Variants in DENND1B observed in about 807,000 individuals in gnomAD.
DENND1B encodes the protein DENN domain-containing protein 1B.
In DENND1B, 59 loss-of-function variants were observed where a neutral mutation model predicts 90.1. That is an observed-to-expected ratio of 0.65 (90% CI 0.53 to 0.81). The LOEUF is 0.81. DENND1B is among the 40% of genes least tolerant of loss of function. DENND1B has a pLI of 0.00. For synonymous variants in DENND1B, 337 were observed against 324.6 expected (o/e 1.04, Z -0.41); for missense variants, 862 against 912.6 (o/e 0.94, Z 0.71).
chr1:197,614,407 A>G (rs1677454261), intron 11 of DENND1B, among the ~76,000 whole-genome samples: 1 of 151,040 alleles, frequency 6.6e-6, no homozygotes, highest in Non-Finnish European at 1.5e-5. Flanking sequence ...TAATCCTAAT[A>G]TGAAATCACC....
intron 2 of DENND1B, among the ~76,000 whole-genome samples, chr1:197,736,492 C>A (rs1383530715): frequency 6.6e-6 from 1 of 152,020 alleles, no homozygotes; most frequent in Non-Finnish European, 1.5e-5. Flanking sequence ...CCACCACACC[C>A]AGCTAATTAA....
At chr1:197,779,934 G>A (rs968286513), upstream of DENND1B, among the ~76,000 whole-genome samples, 1 of 151,950 alleles carries the variant, frequency 6.6e-6, no homozygotes, top group African/African-American at 2.4e-5. Flanking sequence ...GTGATCCTTA[G>A]AACTTTATAT....
At chr1:197,648,686 T>C (rs1680946264) in intron 7 of DENND1B, among the ~76,000 whole-genome samples, 1 of 152,168 alleles carries the variant, frequency 6.6e-6, no homozygotes, top group African/African-American at 2.4e-5. Flanking sequence ...CTTTCTATTG[T>C]ATTTCCACTG....
intron 2 of DENND1B, among the ~76,000 whole-genome samples, chr1:197,741,113 G>A (rs1459578867): frequency 6.6e-6 from 1 of 152,106 alleles, no homozygotes; most frequent in East Asian, 1.9e-4. Context: ...CAAAGAGAAA[G>A]GATAAGACAA....
chr1:197,675,795 A>G (rs908213250), intron 3 of DENND1B, among the ~76,000 whole-genome samples: 5 of 152,152 alleles, frequency 3.3e-5, no homozygotes, highest in African/African-American at 1.2e-4. Context: ...ACAATAAAGA[A>G]CATATATTCA....
chr1:197,715,180 C>T, intron 2 of DENND1B, 106 bp from the exon 3 acceptor site: 1 of 792,880 alleles, frequency 1.3e-6, no homozygotes, highest in Non-Finnish European at 2.0e-6. Context: ...TTAATTACAA[C>T]ATTTAAATTT....
chr1:197,697,275 T>C (rs1658530957), intron 3 of DENND1B, among the ~76,000 whole-genome samples: 1 of 151,580 alleles, frequency 6.6e-6, no homozygotes, highest in Non-Finnish European at 1.5e-5. Context: ...GCAAAACCCA[T>C]ATAACTGACA....
intron 3 of DENND1B, chr1:197,690,252 G>T (rs1440615108): frequency 7.5e-6 from 2 of 268,290 alleles, no homozygotes; most frequent in South Asian, 1.1e-4. Context: ...CAGCAAAAAT[G>T]ACTCACCAAT....
rs933709848 is a variant in DENND1B at position 197,582,552 on chromosome 1, C to T, written c.1149+600G>A. Among the ~76,000 whole-genome samples the T allele has an allele frequency of 3.9e-5, 6 of 152,138 alleles. No homozygotes were observed. The East Asian group carries it at 5.8e-4, about 15-fold the overall frequency. On this transcript the variant is annotated intron_variant, in intron 15 of 22. Transcript: ENST00000620048. The stretch of plus-strand genomic sequence containing the variant: ...AAGACAACCCAATTTAAGACACTTG[C>T]TATGATTACACAATGGAATGACAGA...
In DENND1B at chr1:197,684,126, T is replaced by C. The variant is rs989496826; in HGVS notation, c.127-9957A>G. ...ATATGATTTAAAAGAGTCTGCATGC[T>C]TGCTTTATCTTCCTAATAAAGACAA... is the stretch of plus-strand genomic sequence containing the variant. On this transcript the variant is annotated intron_variant, in intron 3 of 22. Transcript: ENST00000620048. Among the ~76,000 whole-genome samples, 3 of 152,248 alleles carry C rather than the reference T, an allele frequency of 2.0e-5. No individual in the cohort carries two copies. The East Asian group carries it at 5.8e-4, about 29-fold the overall frequency.
At chr1:197,566,586 T>G (rs897275906) in intron 15 of DENND1B, among the ~76,000 whole-genome samples, 2 of 152,130 alleles carry the variant, frequency 1.3e-5, no homozygotes, top group African/African-American at 4.8e-5. Context: ...AATATTTTCA[T>G]GCATATTCCT....
Position 197,738,452 on chromosome 1 carries a change from G to C in DENND1B, c.83-23378C>G, listed in dbSNP as rs182138930. The stretch of plus-strand genomic sequence containing the variant: ...GTGAATGTGACCTCAGGCCAGAGCT[G>C]ATAAGTCAAACACATGACCTAATCT... On this transcript the variant is annotated intron_variant, in intron 2 of 22. Coordinates refer to ENST00000620048, the MANE Select transcript of DENND1B (RefSeq NM_001195215.2). Among the ~76,000 whole-genome samples, 877 of 152,274 alleles carry C rather than the reference G, an allele frequency of 5.8e-3. 8 individuals carry two copies. The highest frequency in any genetic ancestry group is 0.01 in the Non-Finnish European group (710 of 68,032).
chr1:197,509,278 A>G lies in DENND1B; in HGVS notation c.*1182T>C, dbSNP rs1667870687. 1 of 151,886 alleles carries G rather than the reference A, an allele frequency of 6.6e-6. No homozygotes were observed. Among genetic ancestry groups the G allele is most frequent in the South Asian group, 2.1e-4 (1 of 4,832 alleles). 9.4% of individuals were successfully genotyped at this position (151,886 alleles called of 1,614,324 possible). ...TTCAAAGCTGTCAATGTCATCAAAA[A>G]TAAGGAAAGTCTAAGAAACTGTCAC... On this transcript the variant is annotated 3_prime_UTR_variant, in exon 23 of 23. Coordinates refer to ENST00000620048, the MANE Select transcript of DENND1B (RefSeq NM_001195215.2).
intron 2 of DENND1B, among the ~76,000 whole-genome samples, chr1:197,769,843 G>C (rs1656182926): frequency 6.6e-6 from 1 of 152,042 alleles, no homozygotes; most frequent in African/African-American, 2.4e-5. Flanking sequence ...AGTTAAATAT[G>C]AGGATTCCAA....
chr1:197,758,123 T>C lies in DENND1B; in HGVS notation c.82+14745A>G, dbSNP rs183994619. Among the ~76,000 whole-genome samples the C allele has an allele frequency of 2.0e-3, 304 of 152,042 alleles. 1 individual carries two copies. Among genetic ancestry groups the C allele is most frequent in the African/African-American group, 7.2e-3 (296 of 41,296 alleles). ...TGTAATTTTCAACTCCTGTTTGACC[T>C]CTCTGGACCTCACCAAATATTTATA... On this transcript the variant is annotated intron_variant, in intron 2 of 22. Transcript: ENST00000620048.
At chr1:197,713,843 ATTATATTATT>A (rs1660291088) in intron 3 of DENND1B, among the ~76,000 whole-genome samples, 1 of 36,324 alleles carries the variant, frequency 2.8e-5, no homozygotes, top group African/African-American at 7.6e-5. Context: ...AATATATTAT[ATTATATTATT>A]ATAATATATT....
In DENND1B at chr1:197,507,589, A is replaced by G. The variant is rs1258533567; in HGVS notation, c.*2871T>C. ...CTCCATTGCAGGCCAGATAAAGACTATGTACCAAGGCCAAAAGTCTTTTTA... is the reference window on the plus strand; with the variant it reads ...CTCCATTGCAGGCCAGATAAAGACTGTGTACCAAGGCCAAAAGTCTTTTTA... On this transcript the variant is annotated 3_prime_UTR_variant, in exon 23 of 23. Transcript: ENST00000620048. 6.6e-6 allele frequency: 1 copy of G among 151,574 alleles called. No individual in the cohort carries two copies. Among genetic ancestry groups the G allele is most frequent in the East Asian group, 1.9e-4 (1 of 5,156 alleles). 9.4% of individuals were successfully genotyped at this position (151,574 alleles called of 1,614,324 possible).
At chr1:197,716,614 CAG>C (rs1447995881) in intron 2 of DENND1B, among the ~76,000 whole-genome samples, 1 of 151,686 alleles carries the variant, frequency 6.6e-6, no homozygotes, top group Admixed American at 6.6e-5. Flanking sequence ...AGGCATATGA[CAG>C]AGTTTTCATA....
At chr1:197,572,116 G>A (rs1036126297) in intron 15 of DENND1B, among the ~76,000 whole-genome samples, 2 of 152,152 alleles carry the variant, frequency 1.3e-5, no homozygotes, top group South Asian at 2.1e-4. Flanking sequence ...GTGGGGCATC[G>A]CCGCACCCGG....
Sources: allele counts gnomAD v4.1 joint callset (sites outside exome capture counted in the v4.1 genomes callset), GRCh38; gene constraint gnomAD v4.1.1; transcripts MANE v1.5; gene names NCBI Gene and HGNC (gene_info 2026-07-23, HGNC 2026-07-21).